Variants in HDAC9 observed in about 807,000 individuals in gnomAD.
HDAC9 encodes MEF-2 interacting transcription repressor (MITR) protein.
A neutral mutation model predicts 139.4 loss-of-function variants in HDAC9; 41 were observed. That is an observed-to-expected ratio of 0.29 (90% CI 0.23 to 0.38). The LOEUF (loss-of-function observed/expected upper bound fraction) is 0.38. Among genes scored for constraint, HDAC9 ranks in the 10% least tolerant of loss-of-function variants. The pLI is 1.00. For synonymous variants in HDAC9, 517 were observed against 476.2 expected (o/e 1.09, Z -1.12); for missense variants, 1,147 against 1,297.0 (o/e 0.88, Z 1.78).
At chr7:18,552,981 G>A (rs931243460) in intron 2 of HDAC9, among the ~76,000 whole-genome samples, 1 of 152,116 alleles carries the variant, frequency 6.6e-6, no homozygotes, top group Non-Finnish European at 1.5e-5. Flanking sequence ...TTATTTTCAG[G>A]AGTAGTTGCA....
At chr7:18,789,281 T>C (rs1056076143) in intron 16 of HDAC9, among the ~76,000 whole-genome samples, 11 of 52,246 alleles carry the variant, frequency 2.1e-4, no homozygotes, top group East Asian at 1.9e-3. Context: ...CGCAGACACA[T>C]ACACGCACAC....
chr7:18,989,736 G>T (rs1428894977), intron 25 of HDAC9, among the ~76,000 whole-genome samples: 1 of 120,844 alleles, frequency 8.3e-6, no homozygotes, highest in Non-Finnish European at 1.7e-5. Flanking sequence ...CATATTTCTT[G>T]GAGGCTTTGC....
intron 1 of HDAC9, among the ~76,000 whole-genome samples, chr7:18,334,630 TTCCAGAAAC>T (rs1197582015): frequency 4.6e-5 from 7 of 151,674 alleles, no homozygotes; most frequent in Middle Eastern, 3.4e-3. Context: ...TATCCATTAT[TTCCAGAAAC>T]TCCACTCAAA....
At chr7:18,249,210 A>G (rs1351625979) in intron 2 of HDAC9, among the ~76,000 whole-genome samples, 2 of 152,160 alleles carry the variant, frequency 1.3e-5, no homozygotes, top group African/African-American at 2.4e-5. Flanking sequence ...TTTTCATAAA[A>G]TCTTTCTTCA....
In HDAC9 at chr7:18,227,328, G is replaced by C. The variant is rs751359084; in HGVS notation, c.25+64979G>C. ...TTTTGAAAGAATATAAAAATTCGCT[G>C]TTTCCTGCCACTGTTTACTACAAGA... On this transcript the variant is annotated intron_variant, in intron 2 of 12. Coordinates refer to the HDAC9 transcript ENST00000417496. Among the ~76,000 whole-genome samples the C allele has an allele frequency of 6.5e-4, 99 of 152,104 alleles. 2 individuals carry two copies. The highest frequency in any genetic ancestry group is 2.2e-4 in the Non-Finnish European group (15 of 68,016).
intron 2 of HDAC9, among the ~76,000 whole-genome samples, chr7:18,232,992 A>G (rs1001935301): frequency 4.6e-5 from 7 of 152,182 alleles, no homozygotes; most frequent in Non-Finnish European, 8.8e-5. Flanking sequence ...AGGAGACTCA[A>G]TTAAACTAAA....
At chr7:18,559,769 A>G (rs150954669) in intron 2 of HDAC9, among the ~76,000 whole-genome samples, 88 of 152,348 alleles carry the variant, frequency 5.8e-4, no homozygotes, top group Non-Finnish European at 1.0e-3. Flanking sequence ...CTTTGGGAAT[A>G]TAACTTTTTC....
intron 22 of HDAC9, among the ~76,000 whole-genome samples, chr7:18,913,372 G>C (rs1802904558): frequency 1.3e-5 from 2 of 151,996 alleles, no homozygotes; most frequent in Non-Finnish European, 2.9e-5. Flanking sequence ...GAGGATGTTT[G>C]GCAATCTATC....
chr7:18,600,683 A>G (rs999024705), intron 6 of HDAC9, among the ~76,000 whole-genome samples: 2 of 152,154 alleles, frequency 1.3e-5, no homozygotes, highest in African/African-American at 4.8e-5. Flanking sequence ...CTGTAACTTC[A>G]TAGTAATTCT....
chr7:18,832,407 A>C (rs1419353738), intron 19 of HDAC9, among the ~76,000 whole-genome samples: 1 of 152,242 alleles, frequency 6.6e-6, no homozygotes, highest in Non-Finnish European at 1.5e-5. Context: ...AAGGTTACTC[A>C]AAGTTATTTT....
chr7:18,888,885 A>G lies in HDAC9; in HGVS notation c.2803+14289A>G, dbSNP rs200247142. On this transcript the variant is annotated intron_variant, in intron 22 of 25. Transcript: ENST00000686413. ...ACGACTTTGTCTAGTCATATATAAC[A>G]ATAGAGTCTATAGATAAGGTCTTTA... 2.0e-5 allele frequency among the ~76,000 whole-genome samples: 3 copies of G among 152,294 alleles called. No individual in the cohort carries two copies. The East Asian group carries it at 5.8e-4, about 29-fold the overall frequency.
chr7:18,647,789 C>G lies in HDAC9; in HGVS notation c.1040C>G (p.Ser347Trp). 1 of 1,605,952 alleles carries G rather than the reference C, an allele frequency of 6.2e-7. No individual in the cohort carries two copies. Among genetic ancestry groups the G allele is most frequent in the Non-Finnish European group, 8.5e-7 (1 of 1,175,854 alleles). The change falls in exon 10 of 26, where the codon TCG becomes TGG. Residue 347 changes from serine to tryptophan, a missense_variant. Around this residue, in one of 7 missense-constraint regions of HDAC9, gnomAD observed 264 missense variants for 273.8 expected, o/e 0.96. Coordinates refer to ENST00000686413, the MANE Select transcript of HDAC9 (RefSeq NM_178425.4). ...CTTTGTTATTTCTCAACACAGGCTT[C>G]GAATTCACTCAAAGAAAAGCAGAAG... ...LPAVPSQLNA[S>W]NSLKEKQKCE... is the part of the protein sequence containing the mutation.
At position 18,762,473 on chromosome 7, in the gene HDAC9, GT is replaced by G. The variant is rs1174508996; in HGVS notation, c.2164+197del. 2.7e-5 allele frequency among the ~76,000 whole-genome samples: 4 copies of G among 148,344 alleles called. No homozygotes were observed. In the East Asian group the frequency reaches 6.5e-4, roughly 24 times the overall value. On this transcript the variant is annotated intron_variant, in intron 15 of 25. Transcript: ENST00000686413. ...AAATCCTGCATTAGAAAATGACAAT[GT>G]AGGTTCCATGGTGTTTACTTTAGAA...
intron 2 of HDAC9, among the ~76,000 whole-genome samples, chr7:18,555,329 A>G (rs1818466953): frequency 6.6e-6 from 1 of 152,220 alleles, no homozygotes; most frequent in African/African-American, 2.4e-5. Context: ...CTGCATTTCA[A>G]AACTGTTACT....
chr7:19,001,662 T>A lies in HDAC9; in HGVS notation c.*5600T>A, dbSNP rs185541411. ...ACTCCCGATTTGTTCTTCCTACACT[T>A]TAATAGTCTCAAATTCTTTCTGGGG... On this transcript the variant is annotated 3_prime_UTR_variant, in exon 26 of 26. Transcript: ENST00000686413. 8.0e-4 allele frequency: 122 copies of A among 152,134 alleles called. No individual in the cohort carries two copies. Among genetic ancestry groups the A allele is most frequent in the African/African-American group, 2.8e-3 (118 of 41,544 alleles). The allele number at this position is 152,134 out of a possible 1,614,324, so 9.4% of individuals were successfully genotyped here.
At chr7:18,336,521 T>A (rs1306579537) in intron 1 of HDAC9, among the ~76,000 whole-genome samples, 1 of 151,692 alleles carries the variant, frequency 6.6e-6, no homozygotes, top group Non-Finnish European at 1.5e-5. Flanking sequence ...TGAATATATG[T>A]AAAATTGTCT....
At chr7:18,689,136 T>C (rs1462091576) in intron 12 of HDAC9, among the ~76,000 whole-genome samples, 1 of 143,854 alleles carries the variant, frequency 7.0e-6, no homozygotes, top group Non-Finnish European at 1.5e-5. Context: ...CATTAAAACA[T>C]TAAAATGGGT....
intron 22 of HDAC9, among the ~76,000 whole-genome samples, chr7:18,917,533 G>A (rs1803313679): frequency 6.6e-6 from 1 of 151,884 alleles, no homozygotes; most frequent in African/African-American, 2.4e-5. Flanking sequence ...TTGTGGTGGG[G>A]GCAGCAGAGT....
intron 2 of HDAC9, among the ~76,000 whole-genome samples, chr7:18,243,298 T>G (rs1794313571): frequency 6.6e-6 from 1 of 152,244 alleles, no homozygotes; most frequent in Non-Finnish European, 1.5e-5. Context: ...TTCCTTTTCT[T>G]TGGTTCTAAG....
Sources: allele counts gnomAD v4.1 joint callset (sites outside exome capture counted in the v4.1 genomes callset), GRCh38; gene constraint gnomAD v4.1.1; regional missense constraint gnomAD v4.1.1; transcripts MANE v1.5; gene names NCBI Gene and HGNC (gene_info 2026-07-23, HGNC 2026-07-21).